Variants in MIPOL1 observed in about 807,000 individuals in gnomAD.
MIPOL1 encodes the protein mirror-image polydactyly gene 1 protein.
A neutral mutation model predicts 60.9 loss-of-function variants in MIPOL1; 57 were observed. The observed-to-expected ratio is 0.94, with a 90% CI of 0.76 to 1.17. The LOEUF (loss-of-function observed/expected upper bound fraction) is 1.17, where lower values mean the gene tolerates loss of function less well. MIPOL1 is among the 50% of genes most tolerant of loss of function. The probability of loss-of-function intolerance (pLI) is 0.00; values close to 1 mark genes in which losing one functional copy is unlikely to be tolerated. For synonymous variants in MIPOL1, 179 were observed against 168.8 expected (o/e 1.06, Z -0.47); for missense variants, 551 against 511.6 (o/e 1.08, Z -0.74).
chr14:37,303,698 T>G (rs777626709), intron 7 of MIPOL1, among the ~76,000 whole-genome samples: 3 of 151,910 alleles, frequency 2.0e-5, no homozygotes, highest in Non-Finnish European at 2.9e-5. Flanking sequence ...CTTTTCTTTT[T>G]AATTCATTCA....
At chr14:37,499,789 C>T (rs1477848276) in intron 11 of MIPOL1, 119 bp from the exon 12 acceptor site, 3 of 496,288 alleles carry the variant, frequency 6.0e-6, no homozygotes, top group Non-Finnish European at 1.1e-5. Context: ...TTCATTTGCT[C>T]ATTTAAGTAT....
chr14:37,258,322 CA>C lies in MIPOL1; in HGVS notation c.20-8610del, dbSNP rs553947714. Among the ~76,000 whole-genome samples, 235 of 151,998 alleles carry C rather than the reference CA, an allele frequency of 1.5e-3. 1 individual carries two copies. The highest frequency in any genetic ancestry group is 5.1e-3 in the African/African-American group (210 of 41,508). ...TTGGTATGTCTTCATTCTTAACAAA[CA>C]AAAAATACATAATTATTAAACCTAT... On this transcript the variant is annotated intron_variant, in intron 3 of 12. Coordinates refer to ENST00000684589, the MANE Select transcript of MIPOL1 (RefSeq NM_001388067.1).
At chr14:37,306,749 A>G (rs1032490981) in intron 7 of MIPOL1, among the ~76,000 whole-genome samples, 1 of 151,834 alleles carries the variant, frequency 6.6e-6, no homozygotes, top group Non-Finnish European at 1.5e-5. Flanking sequence ...TTCAATTGAG[A>G]TGAAAAGAAG....
chr14:37,271,647 A>G (rs1037249386), intron 6 of MIPOL1, among the ~76,000 whole-genome samples: 1 of 151,830 alleles, frequency 6.6e-6, no homozygotes, highest in Non-Finnish European at 1.5e-5. Flanking sequence ...TTTAAGGAAA[A>G]TTAATAGTTT....
At chr14:37,235,159 T>C (rs1167041985) in intron 1 of MIPOL1, among the ~76,000 whole-genome samples, 1 of 152,134 alleles carries the variant, frequency 6.6e-6, no homozygotes. Flanking sequence ...AATATTTTTA[T>C]GCTGCTTCTG....
At chr14:37,493,704 T>C (rs2095078311) in intron 11 of MIPOL1, among the ~76,000 whole-genome samples, 1 of 152,230 alleles carries the variant, frequency 6.6e-6, no homozygotes. Flanking sequence ...ATTTTAAAAC[T>C]GGAAGAGCGA....
At chr14:37,488,042 T>G (rs985026278) in intron 11 of MIPOL1, among the ~76,000 whole-genome samples, 4 of 152,240 alleles carry the variant, frequency 2.6e-5, no homozygotes, top group Non-Finnish European at 5.9e-5. Flanking sequence ...ATCTTTGTTC[T>G]CATTGGTTTC....
At chr14:37,237,983 T>A (rs1018584896) in intron 1 of MIPOL1, among the ~76,000 whole-genome samples, 1 of 152,102 alleles carries the variant, frequency 6.6e-6, no homozygotes, top group Non-Finnish European at 1.5e-5. Context: ...TTTCTTCTCT[T>A]AGACACAGAG....
chr14:37,409,368 T>C (rs911885911), intron 10 of MIPOL1, among the ~76,000 whole-genome samples: 6 of 152,132 alleles, frequency 3.9e-5, no homozygotes, highest in African/African-American at 1.4e-4. Context: ...CCACAGGTGC[T>C]TTCTAGGAAA....
At chr14:37,308,132 T>C (rs1485672776) in intron 8 of MIPOL1, 43 bp downstream of exon 8, 1 of 1,568,706 alleles carries the variant, frequency 6.4e-7, no homozygotes, top group Non-Finnish European at 8.7e-7. Context: ...CAGTCTTATA[T>C]CTTAGAGGCT....
intron 12 of MIPOL1, among the ~76,000 whole-genome samples, chr14:37,539,619 T>C (rs1272294253): frequency 1.3e-5 from 2 of 152,188 alleles, no homozygotes; most frequent in South Asian, 2.1e-4. Context: ...CTTCGAGGAC[T>C]GGAAGTGTTA....
At chr14:37,506,084 G>T (rs562464915) in intron 12 of MIPOL1, 1 of 152,202 alleles carries the variant, frequency 6.6e-6, no homozygotes, top group South Asian at 2.1e-4. Flanking sequence ...ACAAACCACT[G>T]CTCAATGAAA....
chr14:37,543,019 G>A (rs1344816998), intron 12 of MIPOL1, among the ~76,000 whole-genome samples: 3 of 151,962 alleles, frequency 2.0e-5, no homozygotes, highest in South Asian at 2.1e-4. Context: ...ACTCCCCAGC[G>A]AAAATCTACT....
At chr14:37,274,603 A>G (rs1434050812) in intron 6 of MIPOL1, among the ~76,000 whole-genome samples, 1 of 151,362 alleles carries the variant, frequency 6.6e-6, no homozygotes, top group South Asian at 2.1e-4. Flanking sequence ...TTACTTCTCA[A>G]TCATAATACA....
intron 11 of MIPOL1, among the ~76,000 whole-genome samples, chr14:37,481,604 CACACACA>C (rs2094869465): frequency 2.1e-5 from 3 of 142,246 alleles, no homozygotes; most frequent in African/African-American, 2.6e-5. Context: ...CACACACACA[CACACACA>C]CCGAAACCAC....
chr14:37,439,590 G>A (rs2094211288), intron 11 of MIPOL1, among the ~76,000 whole-genome samples: 1 of 151,986 alleles, frequency 6.6e-6, no homozygotes, highest in Admixed American at 6.6e-5. Flanking sequence ...GAGAATTTTG[G>A]ACATATACAA....
chr14:37,515,199 T>G (rs2095359935), intron 12 of MIPOL1, among the ~76,000 whole-genome samples: 1 of 152,062 alleles, frequency 6.6e-6, no homozygotes, highest in South Asian at 2.1e-4. Context: ...TGAATATAAT[T>G]ACAGCTGAAG....
intron 12 of MIPOL1, among the ~76,000 whole-genome samples, chr14:37,535,294 T>C (rs1240391736): frequency 3.3e-5 from 5 of 152,174 alleles, no homozygotes; most frequent in Non-Finnish European, 1.5e-5. Flanking sequence ...GAAAAAGGAA[T>C]GTCGTATATC....
At chr14:37,443,720 C>G (rs2094288161) in intron 11 of MIPOL1, among the ~76,000 whole-genome samples, 1 of 145,488 alleles carries the variant, frequency 6.9e-6, no homozygotes, top group Non-Finnish European at 1.5e-5. Context: ...AATGAAAACT[C>G]AGGCCAAAGT....
Sources: allele counts gnomAD v4.1 joint callset (sites outside exome capture counted in the v4.1 genomes callset), GRCh38; gene constraint gnomAD v4.1.1; transcripts MANE v1.5; gene names NCBI Gene and HGNC (gene_info 2026-07-23, HGNC 2026-07-21).